The following SCAI variants were observed in gnomAD, a reference collection of about 807,000 sequenced individuals.
The protein encoded by SCAI is suppressor of cancer cell invasion, also known as protein SCAI.
Under a neutral mutation model 92.2 loss-of-function variants are expected in SCAI, and 24 were observed. The ratio of observed to expected loss-of-function variants is 0.26; its 90% CI spans 0.19 to 0.37. SCAI has a LOEUF of 0.37. SCAI is among the 10% of genes least tolerant of loss of function. The probability of loss-of-function intolerance (pLI) is 1.00; values close to 1 mark genes in which losing one functional copy is unlikely to be tolerated. For synonymous variants in SCAI, 261 were observed against 258.6 expected (o/e 1.01, Z -0.09); for missense variants, 450 against 736.2 (o/e 0.61, Z 4.50).
chr9:125,138,703 C>T (rs549525461), intron 2 of SCAI, among the ~76,000 whole-genome samples: 1 of 152,214 alleles, frequency 6.6e-6, no homozygotes, highest in South Asian at 2.1e-4. Context: ...ATTGAGCCAT[C>T]GTGCCCGGCC....
chr9:125,098,117 C>T (rs1834601951), intron 2 of SCAI, among the ~76,000 whole-genome samples: 1 of 151,840 alleles, frequency 6.6e-6, no homozygotes, highest in Non-Finnish European at 1.5e-5. Flanking sequence ...TACAGTGGCA[C>T]AATCATAGCT....
intron 2 of SCAI, among the ~76,000 whole-genome samples, chr9:125,130,024 G>A (rs918142759): frequency 9.2e-5 from 14 of 151,454 alleles, no homozygotes; most frequent in African/African-American, 3.4e-4. Context: ...TCAGCCACCC[G>A]AGTAGCTGGG....
At chr9:124,979,686 G>A (rs1326982851) in intron 14 of SCAI, among the ~76,000 whole-genome samples, 1 of 152,204 alleles carries the variant, frequency 6.6e-6, no homozygotes, top group African/African-American at 2.4e-5. Context: ...GGGAGGAAGA[G>A]ATTTCACAAT....
chr9:125,004,779 AT>A (rs869167558), intron 9 of SCAI, among the ~76,000 whole-genome samples: 4 of 13,172 alleles, frequency 3.0e-4, no homozygotes, highest in Admixed American at 1.3e-3. Context: ...ATATATATAT[AT>A]TTTTTTTTTT....
At chr9:125,010,511 G>A (rs965423594) in intron 9 of SCAI, among the ~76,000 whole-genome samples, 3 of 152,220 alleles carry the variant, frequency 2.0e-5, no homozygotes, top group African/African-American at 7.2e-5. Context: ...GCTTGCTTAG[G>A]TAAACAAAGC....
intron 3 of SCAI, among the ~76,000 whole-genome samples, chr9:125,035,936 G>A (rs1379267020): frequency 6.6e-6 from 1 of 152,164 alleles, no homozygotes; most frequent in Admixed American, 6.5e-5. Context: ...CCTCGGGGCT[G>A]CTCTGCCTAC....
At chr9:125,136,283 G>T (rs111325153) in intron 2 of SCAI, among the ~76,000 whole-genome samples, 2 of 151,074 alleles carry the variant, frequency 1.3e-5, no homozygotes, top group Non-Finnish European at 2.9e-5. Context: ...GCTAATTTTC[G>T]TATTTTTGGT....
intron 12 of SCAI, among the ~76,000 whole-genome samples, chr9:125,000,943 C>G (rs1043230401): frequency 6.6e-6 from 1 of 151,954 alleles, no homozygotes; most frequent in Non-Finnish European, 1.5e-5. Flanking sequence ...CTCAAAGGAC[C>G]TATCAAAGTA....
At chr9:124,980,899 T>C (rs1272252648) in intron 14 of SCAI, among the ~76,000 whole-genome samples, 1 of 152,178 alleles carries the variant, frequency 6.6e-6, no homozygotes, top group Non-Finnish European at 1.5e-5. Flanking sequence ...CATAAATACA[T>C]GAATACCTTC....
At chr9:124,966,782 G>GTT (rs201405718) in intron 17 of SCAI, among the ~76,000 whole-genome samples, 2 of 147,788 alleles carry the variant, frequency 1.4e-5, no homozygotes, top group South Asian at 2.1e-4. Flanking sequence ...ATTATTAAGA[G>GTT]TTTTTTTTTT....
chr9:125,023,668 T>TAA (rs571312481), intron 6 of SCAI, among the ~76,000 whole-genome samples: 5 of 139,634 alleles, frequency 3.6e-5, no homozygotes, highest in Non-Finnish European at 6.3e-5. Context: ...TTTGAAAATG[T>TAA]AAAAAAAAAA....
At chr9:125,104,677 G>A (rs988313098) in intron 2 of SCAI, among the ~76,000 whole-genome samples, 2 of 151,320 alleles carry the variant, frequency 1.3e-5, no homozygotes, top group African/African-American at 4.9e-5. Flanking sequence ...GGTGAGGCAG[G>A]TGGATCACAA....
At chr9:125,000,370 T>C (rs1044107911) in intron 12 of SCAI, among the ~76,000 whole-genome samples, 6 of 152,112 alleles carry the variant, frequency 3.9e-5, no homozygotes, top group Admixed American at 3.9e-4. Flanking sequence ...AGGAAGTTGG[T>C]CAGACATGGT....
At chr9:125,117,387 G>A (rs10819033) in intron 2 of SCAI, among the ~76,000 whole-genome samples, 62,390 of 151,982 alleles carry the variant, frequency 0.41, 13,151 homozygotes, top group East Asian at 0.53. Context: ...TTAGAAGCCT[G>A]AGGAACTTTG....
In SCAI at chr9:125,026,868, G is replaced by A. The variant is rs1204800210; in HGVS notation, c.456C>T (p.Ser152=). The A allele has an allele frequency of 5.6e-6, 9 of 1,608,782 alleles. No individual in the cohort carries two copies. In the Admixed American group the frequency reaches 1.2e-4, roughly 21 times the overall value. The stretch of plus-strand genomic sequence containing the variant: ...ATCTCTGTCTGATTGCAGAATAGAA[G>A]GAAAAAGCCTCATTCAGATAGCTGG... The part of the protein sequence containing the change: ...SETSYLNEAF[S]FYSAIRQRSY... The change falls in exon 6 of 18, where the codon TCC becomes TCT. Residue 152 remains serine, a synonymous_variant. Coordinates refer to ENST00000336505, the MANE Select transcript of SCAI (RefSeq NM_001144877.3).
intron 9 of SCAI, among the ~76,000 whole-genome samples, chr9:125,011,399 G>C (rs1453845750): frequency 6.6e-6 from 1 of 152,202 alleles, no homozygotes; most frequent in African/African-American, 2.4e-5. Context: ...GAAGCCTCAG[G>C]AGCCAATGCG....
At chr9:124,966,841 G>A (rs1831551026) in intron 17 of SCAI, among the ~76,000 whole-genome samples, 3 of 150,454 alleles carry the variant, frequency 2.0e-5, no homozygotes, top group African/African-American at 7.3e-5. Context: ...TCCAATTCCT[G>A]GCTTCAAGCA....
rs34193153 is a variant in SCAI, at chr9:125,060,262, G to GAA, written c.99-4257_99-4256dup. ...ATGCCAGATTTAGAAGGCTTAGTATGAAAAAAAAAAAAAAAAGCCATGGCA... is the reference window on the plus strand; with the variant it reads ...ATGCCAGATTTAGAAGGCTTAGTATGAAAAAAAAAAAAAAAAAAGCCATGGCA... On this transcript the variant is annotated intron_variant, in intron 2 of 17. Coordinates refer to ENST00000336505, the MANE Select transcript of SCAI (RefSeq NM_001144877.3). Among the ~76,000 whole-genome samples the GAA allele has an allele frequency of 8.3e-4, 74 of 89,518 alleles. 1 individual carries two copies. Among genetic ancestry groups the GAA allele is most frequent in the Middle Eastern group, 0.014 (2 of 138 alleles). The allele number at this position is 89,518 out of a possible 152,430, so 58.7% of individuals were successfully genotyped here.
At chr9:124,989,996 GA>G (rs1276569790) in intron 14 of SCAI, among the ~76,000 whole-genome samples, 1 of 151,368 alleles carries the variant, frequency 6.6e-6, no homozygotes, top group Non-Finnish European at 1.5e-5. Context: ...CCAACATGGA[GA>G]AACCCTGTTT....
Sources: allele counts gnomAD v4.1 joint callset (sites outside exome capture counted in the v4.1 genomes callset), GRCh38; gene constraint gnomAD v4.1.1; transcripts MANE v1.5; gene names NCBI Gene and HGNC (gene_info 2026-07-23, HGNC 2026-07-21).